Variants in MPP3 observed in about 807,000 individuals in gnomAD.
The protein encoded by MPP3 is MAGUK p55 subfamily member 3.
A neutral mutation model predicts 80.7 loss-of-function variants in MPP3; 48 were observed. That is an observed-to-expected ratio of 0.59 (90% CI 0.47 to 0.76). The LOEUF (loss-of-function observed/expected upper bound fraction) is 0.76. MPP3 is among the 30% of genes least tolerant of loss of function. MPP3 has a pLI of 0.00. For synonymous variants in MPP3, 311 were observed against 297.6 expected, an observed-to-expected ratio of 1.04 and a Z score of -0.46; for missense variants, 620 against 763.0, an observed-to-expected ratio of 0.81 and a Z score of 2.21.
rs1295079283 is a variant in MPP3, at chr17:43,820,940, G to T, written c.803C>A (p.Pro268His). 2.5e-6 allele frequency: 4 copies of T among 1,614,040 alleles called. No homozygotes were observed. In the South Asian group the frequency reaches 3.3e-5, roughly 13 times the overall value. Residue 268 changes from proline (P) to histidine (H), a missense_variant, in exon 11 of 20, where the codon CCC (proline) becomes CAC (histidine). By Grantham distance (77) the Pro-to-His change is moderately conservative. Coordinates refer to ENST00000398389, the MANE Select transcript of MPP3 (RefSeq NM_001932.6). ...QVLEVVSQDD[P>H]TWWQAKRVGD... The stretch of plus-strand genomic sequence containing the variant: ...GACTCGCTTGGCCTGCCACCACGTG[G>T]GGTCGTCCTGGCTCACCACCTCCAG...
intron 8 of MPP3, among the ~76,000 whole-genome samples, chr17:43,826,599 C>T (rs575105563): frequency 1.4e-4 from 22 of 152,282 alleles, no homozygotes; most frequent in Middle Eastern, 3.4e-3. Context: ...TTCCACACAC[C>T]GGTGATTCTC....
At chr17:43,826,342 A>G (rs1343615740) in intron 8 of MPP3, among the ~76,000 whole-genome samples, 1 of 152,212 alleles carries the variant, frequency 6.6e-6, no homozygotes, top group Non-Finnish European at 1.5e-5. Flanking sequence ...AGGGCCCTAT[A>G]TGCTACTCAA....
chr17:43,824,337 C>T (rs1037745217), intron 9 of MPP3, among the ~76,000 whole-genome samples: 1 of 152,184 alleles, frequency 6.6e-6, no homozygotes, highest in Non-Finnish European at 1.5e-5. Context: ...AATTCCAATT[C>T]TCCATCCCTC....
chr17:43,832,130 G>A (rs1351422156), intron 2 of MPP3, 187 bp from the exon 3 acceptor site: 1 of 589,706 alleles, frequency 1.7e-6, no homozygotes, highest in East Asian at 3.0e-5. Context: ...TCCTCGATGT[G>A]CCAAGCATTG....
At chr17:43,830,657 C>CA (rs1424736023) in intron 5 of MPP3, among the ~76,000 whole-genome samples, 1 of 152,164 alleles carries the variant, frequency 6.6e-6, no homozygotes, top group Non-Finnish European at 1.5e-5. Flanking sequence ...GAGAAGGGCC[C>CA]AGGGCTCTGC....
chr17:43,805,734 T>A (rs995147433), intron 19 of MPP3, among the ~76,000 whole-genome samples: 1 of 152,230 alleles, frequency 6.6e-6, no homozygotes, highest in African/African-American at 2.4e-5. Context: ...ATGTTTAGAA[T>A]AGACAAATTT....
rs1396297960 is a variant in MPP3, at chr17:43,827,758, G to C, written c.516C>G (p.Asp172Glu). The change falls in exon 8 of 20, where the codon GAC becomes GAG. Residue 172 changes from aspartate to glutamate, a missense_variant. By Grantham distance (45) the Asp-to-Glu change is conservative. Coordinates refer to ENST00000398389, the MANE Select transcript of MPP3 (RefSeq NM_001932.6). ...TGCACTGCCGCCACTCACCGCTCCT[G>C]TCTGCTGCGCCTCCTCGCATGATCC... is the stretch of plus-strand genomic sequence containing the variant. ...VARIMRGGAA[D>E]RSGLVHVGDE... 1 of 1,611,324 alleles carries C rather than the reference G, an allele frequency of 6.2e-7. No individual in the cohort carries two copies. Among genetic ancestry groups the C allele is most frequent in the African/African-American group, 1.3e-5 (1 of 74,930 alleles).
chr17:43,801,890 G>GGGT lies in MPP3; in HGVS notation c.1582-16_1582-14dup, dbSNP rs1336170872. On this transcript the variant is annotated splice_polypyrimidine_tract_variant and intron_variant, in intron 19 of 19. Coordinates refer to ENST00000398389, the MANE Select transcript of MPP3 (RefSeq NM_001932.6). ...GCTGCTGCTCATCCTGCAAGGAAAGGGGTGGTAAAAGGAGCAACTGGGTTG... is the reference window on the plus strand; with the variant it reads ...GCTGCTGCTCATCCTGCAAGGAAAGGGGTGGTGGTAAAAGGAGCAACTGGGTTG... The GGGT allele has an allele frequency of 6.2e-7, 1 of 1,607,694 alleles. No individual in the cohort carries two copies. Among genetic ancestry groups the GGGT allele is most frequent in the African/African-American group, 1.3e-5 (1 of 74,828 alleles).
At chr17:43,814,454 G>A in intron 14 of MPP3, 93 bp from the exon 15 acceptor site, 1 of 1,355,748 alleles carries the variant, frequency 7.4e-7, no homozygotes, top group African/African-American at 1.4e-5. Flanking sequence ...CAGACCTGGA[G>A]ATGGGACTGA....
chr17:43,829,373 G>A (rs1287210678), intron 7 of MPP3, among the ~76,000 whole-genome samples: 1 of 152,240 alleles, frequency 6.6e-6, no homozygotes, highest in African/African-American at 2.4e-5. Context: ...CCCTTGGGCT[G>A]TAGTTTGTCC....
chr17:43,831,448 C>A, intron 4 of MPP3, 111 bp downstream of exon 4: 1 of 1,303,880 alleles, frequency 7.7e-7, no homozygotes, highest in South Asian at 1.2e-5. Context: ...GTGTAGTGGG[C>A]AAGTGAAGGC....
chr17:43,810,770 C>T (rs1410792055), intron 18 of MPP3, 37 bp downstream of exon 18: 6 of 1,415,822 alleles, frequency 4.2e-6, no homozygotes, highest in Admixed American at 2.0e-5. Flanking sequence ...TTATAAATTC[C>T]GTTAACCAGA....
In MPP3 at chr17:43,801,651, G is replaced by A. The variant is rs1348199134; in HGVS notation, c.*50C>T. On this transcript the variant is annotated 3_prime_UTR_variant, in exon 20 of 20. Transcript: ENST00000398389. ...CTTGATGGTAAAATGAGGGAGTCTG[G>A]ACTAGATGATCTTCAAGGTCCCGTC... is the stretch of plus-strand genomic sequence containing the variant. 1 of 1,562,408 alleles carries A rather than the reference G, an allele frequency of 6.4e-7. No individual in the cohort carries two copies. The highest frequency in any genetic ancestry group is 1.7e-5 in the Admixed American group (1 of 59,114).
intron 4 of MPP3, 101 bp from the exon 5 acceptor site, chr17:43,831,422 C>T: frequency 7.9e-6 from 11 of 1,400,522 alleles, no homozygotes; most frequent in Non-Finnish European, 1.0e-5. Context: ...GACAGGGCAC[C>T]ATAAGAGAAA....
chr17:43,801,208 A>G lies in MPP3; in HGVS notation c.*493T>C, dbSNP rs1229080604. 1.3e-5 allele frequency: 2 copies of G among 154,746 alleles called. No homozygotes were observed. Among genetic ancestry groups the G allele is most frequent in the African/African-American group, 4.8e-5 (2 of 41,456 alleles). 9.6% of individuals were successfully genotyped at this position (154,746 alleles called of 1,614,324 possible). On this transcript the variant is annotated 3_prime_UTR_variant, in exon 20 of 20. Coordinates refer to ENST00000398389, the MANE Select transcript of MPP3 (RefSeq NM_001932.6). The stretch of plus-strand genomic sequence containing the variant: ...GGCAGAGAACCCGTTTTCTATTACC[A>G]GGCAAGCACTTCAAAAAAAAGGTTA...
intron 5 of MPP3, among the ~76,000 whole-genome samples, 163 bp downstream of exon 5, chr17:43,831,081 C>T (rs1263773904): frequency 6.6e-6 from 1 of 152,194 alleles, no homozygotes; most frequent in African/African-American, 2.4e-5. Flanking sequence ...TTTCGGGGAA[C>T]CCAGAGAGAG....
Position 43,801,598 on chromosome 17 carries a change from A to C in MPP3, c.*103T>G. On this transcript the variant is annotated 3_prime_UTR_variant, in exon 20 of 20. Coordinates refer to ENST00000398389, the MANE Select transcript of MPP3 (RefSeq NM_001932.6). The stretch of plus-strand genomic sequence containing the variant: ...TTCTCGATGATGGAATTTGTGGAGA[A>C]TTCTCTCCCTCTCTGCGCTTGAGAT... The C allele has an allele frequency of 8.8e-7, 1 of 1,135,480 alleles. No homozygotes were observed. The highest frequency in any genetic ancestry group is 1.3e-6 in the Non-Finnish European group (1 of 773,202). The allele number at this position is 1,135,480 out of a possible 1,614,324, so 70.3% of individuals were successfully genotyped here. A position where few individuals can be genotyped will look rare whatever the true frequency, so the allele number is the denominator to read the frequency against.
intron 19 of MPP3, among the ~76,000 whole-genome samples, chr17:43,803,019 C>T (rs2044475929): frequency 2.0e-5 from 3 of 152,152 alleles, no homozygotes; most frequent in African/African-American, 7.2e-5. Context: ...ATTTCTTCTC[C>T]TTTTCTCCTC....
intron 16 of MPP3, chr17:43,811,699 T>C (rs1377440637): frequency 6.5e-6 from 1 of 153,440 alleles, no homozygotes; most frequent in Non-Finnish European, 1.4e-5. Flanking sequence ...GTTCAAGCGA[T>C]TCTCCTGCCT....
Sources: allele counts gnomAD v4.1 joint callset (sites outside exome capture counted in the v4.1 genomes callset), GRCh38; gene constraint gnomAD v4.1.1; transcripts MANE v1.5; gene names NCBI Gene and HGNC (gene_info 2026-07-23, HGNC 2026-07-21).